Variants in DYRK4 observed in about 807,000 individuals in gnomAD.
The protein encoded by DYRK4 is dual specificity tyrosine phosphorylation regulated kinase 4.
DYRK4 carries 64 observed loss-of-function variants against 68.3 expected under a neutral mutation model. That is an observed-to-expected ratio of 0.94 (90% confidence interval 0.77 to 1.15). The LOEUF (loss-of-function observed/expected upper bound fraction) is 1.15, where lower values mean the gene tolerates loss of function less well. Among genes scored for constraint, DYRK4 ranks in the 50% most tolerant of loss-of-function variants. The pLI is 0.00. For synonymous variants in DYRK4, 274 were observed against 289.9 expected, an observed-to-expected ratio of 0.95 and a Z score of 0.56; for missense variants, 740 against 764.7, an observed-to-expected ratio of 0.97 and a Z score of 0.38.
At position 4,610,136 on chromosome 12, in the gene DYRK4, G is replaced by C. The variant is rs370476060; in HGVS notation, c.1361-19G>C. 107 of 1,562,362 alleles carry C rather than the reference G, an allele frequency of 6.8e-5. No homozygotes were observed. The highest frequency in any genetic ancestry group is 1.8e-4 in the African/African-American group (13 of 72,444). On this transcript the variant is annotated intron_variant, in intron 12 of 14. Transcript: ENST00000543431. Reference sequence around the variant, plus strand: ...AGATTTACACCTGAAACTAAATACAGAATGTTCTATCTCTACAGATTCCAA... The same window carrying C: ...AGATTTACACCTGAAACTAAATACACAATGTTCTATCTCTACAGATTCCAA...
At chr12:4,567,312 A>C (rs1316388856) in intron 1 of DYRK4, 1 of 152,230 alleles carries the variant, frequency 6.6e-6, no homozygotes, top group African/African-American at 2.4e-5. Context: ...CTAAAGCTAG[A>C]AGCCGAAAAG....
Position 4,596,737 on chromosome 12 carries a change from G to C in DYRK4, c.905+8G>C, listed in dbSNP as rs771095353. The C allele has an allele frequency of 2.5e-6, 4 of 1,613,006 alleles. No individual in the cohort carries two copies. In the South Asian group the frequency reaches 4.4e-5, roughly 18 times the overall value. The stretch of plus-strand genomic sequence containing the variant: ...CACCTTTGAGCTCCTGGGGTCAGCT[G>C]CCTTTTCTTCTTAACTCATTTTCTC... On this transcript the variant is annotated splice_region_variant and intron_variant, in intron 8 of 14. Coordinates refer to ENST00000543431, the MANE Select transcript of DYRK4 (RefSeq NM_001394779.1).
At position 4,613,444 on chromosome 12, in the gene DYRK4, A is replaced by G. The variant is rs985937911; in HGVS notation, c.1667-71A>G. On this transcript the variant is annotated intron_variant, in intron 14 of 14. Transcript: ENST00000543431. This position sits in a 1 kb window ranked among gnomAD's most constrained non-coding sequence, Gnocchi z 4.0. Reference sequence around the variant, plus strand: ...CATCGTTTCCACTAAGTGATGTACAACCTAAAGGACAATTAACATATAATC... The same window carrying G: ...CATCGTTTCCACTAAGTGATGTACAGCCTAAAGGACAATTAACATATAATC... 3 of 1,536,306 alleles carry G rather than the reference A, an allele frequency of 2.0e-6. No individual in the cohort carries two copies. Among genetic ancestry groups the G allele is most frequent in the Non-Finnish European group, 2.6e-6 (3 of 1,134,408 alleles).
chr12:4,610,453 AG>A (rs879855555), intron 13 of DYRK4, 169 bp downstream of exon 13: 3 of 603,834 alleles, frequency 5.0e-6, no homozygotes, highest in African/African-American at 1.9e-5. Context: ...TTGTTTCATC[AG>A]ACATCTCTCC....
intron 2 of DYRK4, among the ~76,000 whole-genome samples, chr12:4,580,026 T>C (rs181171865): frequency 1.3e-5 from 2 of 152,322 alleles, no homozygotes; most frequent in Non-Finnish European, 2.9e-5. Flanking sequence ...CCTTTCTCCA[T>C]CTGTAAAATG....
chr12:4,612,930 T>C (rs1945242031), intron 14 of DYRK4: 2 of 526,664 alleles, frequency 3.8e-6, no homozygotes, highest in Non-Finnish European at 6.6e-6. Context: ...ATAATTCTTG[T>C]GGCTACATCA....
At chr12:4,599,599 G>T in intron 9 of DYRK4, 108 bp from the exon 10 acceptor site, 1 of 742,972 alleles carries the variant, frequency 1.3e-6, no homozygotes, top group South Asian at 1.7e-5. Context: ...GATGCCCATG[G>T]AGGTGGTCAT....
rs149277354 is a variant in DYRK4 at position 4,599,164 on chromosome 12, C to A, written c.1042C>A (p.Pro348Thr). The A allele has an allele frequency of 1.2e-6, 2 of 1,613,740 alleles. No individual in the cohort carries two copies. The highest frequency in any genetic ancestry group is 1.7e-6 in the Non-Finnish European group (2 of 1,179,964). Residue 348 changes from proline to threonine, a missense_variant and splice_region_variant, in exon 9 of 15, where the codon CCC becomes ACC. Coordinates refer to ENST00000543431, the MANE Select transcript of DYRK4 (RefSeq NM_001394779.1). ...VEKIIHCDLK[P>T]ENIVLYQKGQ... ...GAAAATCATTCACTGTGATCTCAAG[C>A]CCGTGAGTACCATCTCCGTCCTGCC...
At chr12:4,566,659 A>G (rs1196014368) in intron 1 of DYRK4, among the ~76,000 whole-genome samples, 1 of 152,246 alleles carries the variant, frequency 6.6e-6, no homozygotes, top group Admixed American at 6.5e-5. Flanking sequence ...GGCAGAGACC[A>G]TGTCTGGTTT....
At chr12:4,607,196 C>T in intron 11 of DYRK4, 131 bp from the exon 12 acceptor site, 2 of 976,012 alleles carry the variant, frequency 2.0e-6, no homozygotes, top group Middle Eastern at 2.1e-4. Flanking sequence ...CTGCTACTGA[C>T]CAGATGTTAT....
At chr12:4,572,131 T>C (rs1944735826) in intron 2 of DYRK4, among the ~76,000 whole-genome samples, 1 of 152,228 alleles carries the variant, frequency 6.6e-6, no homozygotes, top group African/African-American at 2.4e-5. Context: ...TTTGACTAAA[T>C]GCTGAGAATG....
chr12:4,566,489 G>A (rs181332678), intron 1 of DYRK4, among the ~76,000 whole-genome samples: 9 of 152,312 alleles, frequency 5.9e-5, no homozygotes, highest in South Asian at 2.1e-4. Flanking sequence ...CTGCTCAAGC[G>A]TGAAGGCTTC....
At chr12:4,608,212 G>A (rs938759914) in intron 12 of DYRK4, among the ~76,000 whole-genome samples, 1 of 152,142 alleles carries the variant, frequency 6.6e-6, no homozygotes, top group African/African-American at 2.4e-5. Flanking sequence ...CAGCAAAGTG[G>A]AGCAAAGCCA....
rs766017227 is a variant in DYRK4 at position 4,599,184 on chromosome 12, C to T, written c.1044+18C>T. On this transcript the variant is annotated intron_variant, in intron 9 of 14. Coordinates refer to ENST00000543431, the MANE Select transcript of DYRK4 (RefSeq NM_001394779.1). ...TCAAGCCCGTGAGTACCATCTCCGT[C>T]CTGCCATGGACACACTCTGGAAATA... 1 of 1,612,886 alleles carries T rather than the reference C, an allele frequency of 6.2e-7. No individual in the cohort carries two copies. Among genetic ancestry groups the T allele is most frequent in the African/African-American group, 1.3e-5 (1 of 74,840 alleles).
intron 10 of DYRK4, among the ~76,000 whole-genome samples, chr12:4,601,780 AT>A (rs1329615132): frequency 6.6e-6 from 1 of 151,978 alleles, no homozygotes; most frequent in African/African-American, 2.4e-5. Context: ...AATTTTTAAA[AT>A]TTTTTTAAAT....
At chr12:4,593,855 C>T (rs1373680910) in intron 6 of DYRK4, among the ~76,000 whole-genome samples, 2 of 152,232 alleles carry the variant, frequency 1.3e-5, no homozygotes, top group African/African-American at 4.8e-5. Context: ...ATTTAAGATA[C>T]AGGATGAGTC....
At position 4,588,635 on chromosome 12, in the gene DYRK4, C is replaced by T. The variant is rs146071594; in HGVS notation, c.133-302C>T. ...GAGCAGCTCAGCTGTTACTCCTTACCGTAAGCAGGGTCTCTAGTTAAGATT... is the reference window on the plus strand; with the variant it reads ...GAGCAGCTCAGCTGTTACTCCTTACTGTAAGCAGGGTCTCTAGTTAAGATT... On this transcript the variant is annotated intron_variant, in intron 2 of 14. Coordinates refer to ENST00000543431, the MANE Select transcript of DYRK4 (RefSeq NM_001394779.1). Among the ~76,000 whole-genome samples the T allele has an allele frequency of 4.1e-3, 629 of 152,308 alleles. 2 individuals carry two copies. Among genetic ancestry groups the T allele is most frequent in the Non-Finnish European group, 6.3e-3 (429 of 68,024 alleles).
rs149317870 is a variant in DYRK4, at chr12:4,596,050, G to A, written c.628-99G>A. ...CAGTGTAGTTAGAAAATTCCTCCAG[G>A]AGTGAGCCATAATCTGGGGATGGGA... On this transcript the variant is annotated intron_variant, in intron 6 of 14. Transcript: ENST00000543431. 10 of 1,324,310 alleles carry A rather than the reference G, an allele frequency of 7.6e-6. No individual in the cohort carries two copies. The East Asian group carries it at 2.3e-4, about 31-fold the overall frequency. The allele number at this position is 1,324,310 out of a possible 1,614,324, so 82.0% of individuals were successfully genotyped here. A position where few individuals can be genotyped will look rare whatever the true frequency, so the allele number is the denominator to read the frequency against.
intron 2 of DYRK4, among the ~76,000 whole-genome samples, chr12:4,574,867 G>A (rs1591787515): frequency 2.6e-5 from 4 of 152,206 alleles, no homozygotes; most frequent in Middle Eastern, 3.4e-3. Flanking sequence ...ACAGGTGCAC[G>A]CCACCATGCC....
Sources: allele counts gnomAD v4.1 joint callset (sites outside exome capture counted in the v4.1 genomes callset), GRCh38; gene constraint gnomAD v4.1.1; non-coding constraint Gnocchi (gnomAD v3.1); transcripts MANE v1.5; gene names NCBI Gene and HGNC (gene_info 2026-07-23, HGNC 2026-07-21).